MAPRE3: variants seen among roughly 807,000 people sequenced by gnomAD.
MAPRE3 encodes microtubule-associated protein RP/EB family member 3.
MAPRE3 carries 2 observed loss-of-function variants against 30.5 expected under a neutral mutation model. That is an observed-to-expected ratio of 0.07 (90% CI 0.03 to 0.21). The LOEUF (loss-of-function observed/expected upper bound fraction) is 0.21. Ranked by LOEUF, MAPRE3 falls within the 10% of genes least tolerant of loss-of-function variation. MAPRE3 has a pLI of 1.00. For missense variants in MAPRE3, 204 were observed against 351.8 expected (o/e 0.58, Z 3.36); for synonymous variants, 110 against 127.7 (o/e 0.86, Z 0.93).
rs1558389635 is a variant in MAPRE3, at chr2:27,026,045, AGGCCCATTG to A, written c.777+19_777+27del. 5.0e-6 allele frequency: 8 copies of A among 1,614,046 alleles called. No homozygotes were observed. Among genetic ancestry groups the A allele is most frequent in the Non-Finnish European group, 6.8e-6 (8 of 1,179,990 alleles). On this transcript the variant is annotated intron_variant, in intron 6 of 6. Transcript: ENST00000233121. The stretch of plus-strand genomic sequence containing the variant: ...CTATGCCACAGAGGTGAGCACTCCC[AGGCCCATTG>A]GGCCCTCCCCAGTCTGGCCTGGCCC...
chr2:26,984,998 CA>C (rs1283323604), intron 1 of MAPRE3: 11 of 152,166 alleles, frequency 7.2e-5, no homozygotes, highest in Non-Finnish European at 5.9e-5. Flanking sequence ...TGTTTAAGAT[CA>C]AAATGAAACT....
rs1572745755 is a variant in MAPRE3 at position 26,985,307 on chromosome 2, A to G, written c.-8+14505A>G. On this transcript the variant is annotated intron_variant, in intron 1 of 6. Coordinates refer to ENST00000233121, the MANE Select transcript of MAPRE3 (RefSeq NM_012326.4). This position sits in a 1 kb window ranked among gnomAD's most constrained non-coding sequence, Gnocchi z 4.2. ...CTGGGCCATCTTCCCAGCTCCTGAG[A>G]TAATTCACAATATTCTCATTCCAAA... Among the ~76,000 whole-genome samples, 1 of 152,316 alleles carries G rather than the reference A, an allele frequency of 6.6e-6. No individual in the cohort carries two copies. The highest frequency in any genetic ancestry group is 2.1e-4 in the South Asian group (1 of 4,824).
intron 1 of MAPRE3, among the ~76,000 whole-genome samples, chr2:26,977,631 G>A (rs960679703): frequency 1.3e-5 from 2 of 152,132 alleles, no homozygotes; most frequent in Admixed American, 6.5e-5. Flanking sequence ...TCCTTCCAGG[G>A]ATAGAGAGGG....
chr2:26,983,702 T>C (rs190821698), intron 1 of MAPRE3, among the ~76,000 whole-genome samples: 24 of 152,324 alleles, frequency 1.6e-4, no homozygotes, highest in Admixed American at 1.4e-3. Context: ...ATGACCTCTT[T>C]GGGAGGCATT....
chr2:27,023,369 C>T lies in MAPRE3; in HGVS notation c.159C>T (p.Pro53=), dbSNP rs772680370. 62 of 1,611,238 alleles carry T rather than the reference C, an allele frequency of 3.8e-5. No homozygotes were observed. The highest frequency in any genetic ancestry group is 2.5e-4 in the East Asian group (11 of 44,802). The change falls in exon 3 of 7, where the codon CCC becomes CCT. Residue 53 remains proline, a synonymous_variant. Transcript: ENST00000233121. ...AYCQFMDMLF[P]GCVHLRKVKF... is the part of the protein sequence containing the mutation. ...GCCAGTTCATGGACATGCTCTTCCC[C>T]GGCTGTGTGCACTTGAGGAAAGTGA...
Position 26,986,625 on chromosome 2 carries a change from G to T in MAPRE3, c.-8+15823G>T, listed in dbSNP as rs1386031759. 1 of 152,206 alleles carries T rather than the reference G, an allele frequency of 6.6e-6. No individual in the cohort carries two copies. Among genetic ancestry groups the T allele is most frequent in the Non-Finnish European group, 1.5e-5 (1 of 68,064 alleles). 9.4% of individuals were successfully genotyped at this position (152,206 alleles called of 1,614,324 possible). A position where few individuals can be genotyped will look rare whatever the true frequency, so the allele number is the denominator to read the frequency against. On this transcript the variant is annotated intron_variant, in intron 1 of 6. Coordinates refer to ENST00000233121, the MANE Select transcript of MAPRE3 (RefSeq NM_012326.4). This position sits in a 1 kb window ranked among gnomAD's most constrained non-coding sequence, Gnocchi z 4.2. The stretch of plus-strand genomic sequence containing the variant: ...GAGGTTCTCCCTGTAAGTTTTCGAG[G>T]TGAGAGCGTGGGGGAGGGTCTTCTA...
At chr2:26,994,056 T>G (rs1666404237) in intron 1 of MAPRE3, among the ~76,000 whole-genome samples, 1 of 152,234 alleles carries the variant, frequency 6.6e-6, no homozygotes, top group South Asian at 2.1e-4. Context: ...CTTTTGCATT[T>G]GCCTACTTTG....
chr2:26,985,986 G>A lies in MAPRE3; in HGVS notation c.-8+15184G>A, dbSNP rs767981982. ...ACTTCTGGCCTCCAGACCAGTGAGA[G>A]AATGACCTTTGTTGTTTTCAGCCAC... On this transcript the variant is annotated intron_variant, in intron 1 of 6. Transcript: ENST00000233121. The surrounding 1 kb of genome is among the most constrained non-coding windows in gnomAD (Gnocchi z 4.2). Among the ~76,000 whole-genome samples, 10 of 152,178 alleles carry A rather than the reference G, an allele frequency of 6.6e-5. No homozygotes were observed. The highest frequency in any genetic ancestry group is 1.3e-4 in the Non-Finnish European group (9 of 68,038).
At chr2:27,011,567 C>G (rs138742571) in intron 1 of MAPRE3, among the ~76,000 whole-genome samples, 1 of 152,234 alleles carries the variant, frequency 6.6e-6, no homozygotes, top group African/African-American at 2.4e-5. Context: ...AATGCTAGGC[C>G]GGACCTGGTG....
chr2:27,009,979 C>T (rs780469531), intron 1 of MAPRE3, among the ~76,000 whole-genome samples: 14 of 152,230 alleles, frequency 9.2e-5, no homozygotes, highest in African/African-American at 3.4e-4. Context: ...GGGTTCATTT[C>T]TTCCTATAGG....
chr2:27,023,715 C>A (rs1331850299), intron 3 of MAPRE3: 1 of 548,090 alleles, frequency 1.8e-6, no homozygotes, highest in East Asian at 3.2e-5. Flanking sequence ...ACCCTGCCCA[C>A]CCCAACACTG....
At chr2:26,976,843 G>A (rs892287650) in intron 1 of MAPRE3, among the ~76,000 whole-genome samples, 3 of 152,176 alleles carry the variant, frequency 2.0e-5, no homozygotes, top group Admixed American at 6.5e-5. Flanking sequence ...AGCTTAAAAG[G>A]ATGTATATCC....
chr2:26,982,885 C>T (rs1666142845), intron 1 of MAPRE3, among the ~76,000 whole-genome samples: 1 of 152,094 alleles, frequency 6.6e-6, no homozygotes, highest in Non-Finnish European at 1.5e-5. Context: ...ATATAGTGAC[C>T]ATAGTAACTA....
Position 26,999,722 on chromosome 2 carries a change from G to A in MAPRE3, c.-7-22490G>A, listed in dbSNP as rs1197845975. Among the ~76,000 whole-genome samples, 4 of 151,866 alleles carry A rather than the reference G, an allele frequency of 2.6e-5. No homozygotes were observed. In the South Asian group the frequency reaches 6.2e-4, roughly 24 times the overall value. ...TCTCCATGTTGGTCAGGCTGGTCTC[G>A]AACTCCTGACCTCAGATGTTCCACC... On this transcript the variant is annotated intron_variant, in intron 1 of 6. Transcript: ENST00000233121.
chr2:27,024,534 G>T (rs1281098821), intron 4 of MAPRE3, among the ~76,000 whole-genome samples: 1 of 152,242 alleles, frequency 6.6e-6, no homozygotes, highest in Non-Finnish European at 1.5e-5. Flanking sequence ...GGTGGCAACT[G>T]GGGTAGGAGG....
At chr2:26,989,261 C>G (rs534438318) in intron 1 of MAPRE3, among the ~76,000 whole-genome samples, 1 of 152,308 alleles carries the variant, frequency 6.6e-6, no homozygotes, top group South Asian at 2.1e-4. Flanking sequence ...ACCCGCTAGG[C>G]TCCAAAGCCC....
At chr2:26,993,674 A>G (rs1666397093) in intron 1 of MAPRE3, among the ~76,000 whole-genome samples, 2 of 152,152 alleles carry the variant, frequency 1.3e-5, no homozygotes, top group African/African-American at 2.4e-5. Flanking sequence ...AACTCTTGGT[A>G]TGGATGTGAC....
chr2:26,978,989 T>C (rs893790), intron 1 of MAPRE3, among the ~76,000 whole-genome samples: 57,660 of 152,006 alleles, frequency 0.38, 11,358 homozygotes, highest in Admixed American at 0.52. Context: ...GGCAAAAGAG[T>C]TGGACACAAA....
At chr2:27,011,964 C>T (rs1666868839) in intron 1 of MAPRE3, 1 of 151,372 alleles carries the variant, frequency 6.6e-6, no homozygotes, top group African/African-American at 2.4e-5. Context: ...AATCCCAACA[C>T]TTTGGGAGGC....
Sources: allele counts gnomAD v4.1 joint callset (sites outside exome capture counted in the v4.1 genomes callset), GRCh38; gene constraint gnomAD v4.1.1; non-coding constraint Gnocchi (gnomAD v3.1); transcripts MANE v1.5; gene names NCBI Gene and HGNC (gene_info 2026-07-23, HGNC 2026-07-21).